The following RPA1 variants were observed in gnomAD, a reference collection of about 807,000 sequenced individuals.
RPA1 encodes the protein replication protein A1.
In RPA1, 49 loss-of-function variants were observed where a neutral mutation model predicts 83.0. That is an observed-to-expected ratio of 0.59 (90% CI 0.47 to 0.75). The LOEUF (loss-of-function observed/expected upper bound fraction) is 0.75. RPA1 is among the 30% of genes least tolerant of loss of function. The pLI is 0.00. For missense variants in RPA1, 693 were observed against 776.1 expected, an observed-to-expected ratio of 0.89 and a Z score of 1.27; for synonymous variants, 279 against 281.8, an observed-to-expected ratio of 0.99 and a Z score of 0.10.
intron 15 of RPA1, among the ~76,000 whole-genome samples, chr17:1,894,150 C>T (rs902852359): frequency 6.6e-6 from 1 of 150,666 alleles, no homozygotes; most frequent in South Asian, 2.1e-4. Context: ...ATTATAGTCA[C>T]GCGCCACCAT....
chr17:1,843,073 C>A (rs540210323), intron 2 of RPA1, among the ~76,000 whole-genome samples: 1 of 152,156 alleles, frequency 6.6e-6, no homozygotes, highest in Non-Finnish European at 1.5e-5. Context: ...GAGATTCAGA[C>A]TGAAGGCTTT....
intron 12 of RPA1, among the ~76,000 whole-genome samples, chr17:1,882,659 T>C (rs1373964381): frequency 6.6e-6 from 1 of 152,200 alleles, no homozygotes; most frequent in East Asian, 1.9e-4. Context: ...AGCAAGACTC[T>C]GTCTCAAAAC....
chr17:1,856,103 C>G (rs576240763), intron 5 of RPA1, among the ~76,000 whole-genome samples: 18 of 152,192 alleles, frequency 1.2e-4, no homozygotes, highest in African/African-American at 4.3e-4. Flanking sequence ...GCAAGCCGAT[C>G]GCTTGCGCTT....
intron 1 of RPA1, among the ~76,000 whole-genome samples, chr17:1,835,480 T>G (rs1465761662): frequency 6.6e-6 from 1 of 152,122 alleles, no homozygotes; most frequent in African/African-American, 2.4e-5. Context: ...TGAGTTACAT[T>G]TGTAAACAGC....
At chr17:1,847,339 C>G (rs553214278) in intron 4 of RPA1, among the ~76,000 whole-genome samples, 2 of 152,206 alleles carry the variant, frequency 1.3e-5, no homozygotes, top group Non-Finnish European at 2.9e-5. Context: ...CTTTTCTGTC[C>G]TCCAGGGCAT....
intron 2 of RPA1, among the ~76,000 whole-genome samples, chr17:1,843,598 C>CATCATTATT (rs140587406): frequency 4.3e-5 from 6 of 141,124 alleles, no homozygotes; most frequent in African/African-American, 7.8e-5. Context: ...TTGGGTGCTT[C>CATCATTATT]ATTATTATTA....
intron 5 of RPA1, chr17:1,858,183 G>A (rs187906769): frequency 8.1e-6 from 13 of 1,613,892 alleles, no homozygotes; most frequent in Non-Finnish European, 9.3e-6. Flanking sequence ...ACATGAGAGG[G>A]AAGACGAGTG....
At chr17:1,889,116 A>T (rs1341172238) in intron 14 of RPA1, among the ~76,000 whole-genome samples, 1 of 152,146 alleles carries the variant, frequency 6.6e-6, no homozygotes, top group Non-Finnish European at 1.5e-5. Context: ...AATTAATTTG[A>T]AAACGGCATT....
At chr17:1,890,955 T>C (rs1336718378) in intron 14 of RPA1, among the ~76,000 whole-genome samples, 2 of 152,224 alleles carry the variant, frequency 1.3e-5, no homozygotes, top group African/African-American at 4.8e-5. Context: ...TTAAAGGAAG[T>C]GTGAGCCCAG....
In RPA1 at chr17:1,832,039, G is replaced by A. The variant is rs563905908; in HGVS notation, c.33+1913G>A. On this transcript the variant is annotated intron_variant, in intron 1 of 16. Coordinates refer to ENST00000254719, the MANE Select transcript of RPA1 (RefSeq NM_002945.5). ...TGCCTTCTGGGTTCAGGCAGTTCTC[G>A]TGCCTCTGCCTCCAGAGTAGCTGGG... 4.0e-5 allele frequency among the ~76,000 whole-genome samples: 6 copies of A among 149,752 alleles called. No individual in the cohort carries two copies. In the South Asian group the frequency reaches 1.1e-3, roughly 26 times the overall value.
intron 5 of RPA1, chr17:1,858,203 C>T: frequency 6.2e-7 from 1 of 1,614,022 alleles, no homozygotes; most frequent in South Asian, 1.1e-5. Context: ...GCAAACTTAG[C>T]TGTGTGGATC....
In RPA1 at chr17:1,835,353, C is replaced by T. The variant is rs1911774936; in HGVS notation, c.33+5227C>T. Among the ~76,000 whole-genome samples, 10 of 151,576 alleles carry T rather than the reference C, an allele frequency of 6.6e-5. No homozygotes were observed. In the South Asian group the frequency reaches 2.1e-3, roughly 32 times the overall value. On this transcript the variant is annotated intron_variant, in intron 1 of 16. Coordinates refer to ENST00000254719, the MANE Select transcript of RPA1 (RefSeq NM_002945.5). ...TTAATTTTGTGTAGAGATGGGGTTT[C>T]GCCATCTTGCCTAAGCTGGTCTCTA...
intron 6 of RPA1, 122 bp from the exon 7 acceptor site, chr17:1,875,539 G>A (rs1463355913): frequency 9.6e-7 from 1 of 1,040,984 alleles, no homozygotes; most frequent in South Asian, 1.7e-5. Flanking sequence ...GAAAAGCTTT[G>A]CCTCTCATGT....
At chr17:1,858,209 G>A (rs1236705005) in intron 5 of RPA1, 1 of 1,613,618 alleles carries the variant, frequency 6.2e-7, no homozygotes, top group East Asian at 2.2e-5. Context: ...TTAGCTGTGT[G>A]GATCAGTGCT....
intron 15 of RPA1, among the ~76,000 whole-genome samples, chr17:1,892,282 G>A (rs928924465): frequency 6.6e-6 from 1 of 152,164 alleles, no homozygotes; most frequent in Non-Finnish European, 1.5e-5. Flanking sequence ...TGGGATTACA[G>A]GTGTGAGCCA....
chr17:1,843,801 A>G, intron 2 of RPA1, 119 bp from the exon 3 acceptor site: 1 of 699,176 alleles, frequency 1.4e-6, no homozygotes. Context: ...AAGTGTCAAG[A>G]GAATGGGCAA....
At chr17:1,839,397 C>G (rs559754467) in intron 1 of RPA1, among the ~76,000 whole-genome samples, 247 of 149,218 alleles carry the variant, frequency 1.7e-3, no homozygotes, top group Middle Eastern at 6.8e-3. Context: ...GAGATCTCGG[C>G]TCACTGCAAC....
chr17:1,873,868 C>T (rs2151284536), intron 6 of RPA1, among the ~76,000 whole-genome samples: 1 of 151,462 alleles, frequency 6.6e-6, no homozygotes, highest in East Asian at 1.9e-4. Flanking sequence ...TGGTGTGCAC[C>T]TGTAGTCCCA....
At chr17:1,896,515 G>A (rs1216288972) in intron 16 of RPA1, among the ~76,000 whole-genome samples, 3 of 150,348 alleles carry the variant, frequency 2.0e-5, no homozygotes, top group Admixed American at 6.6e-5. Context: ...GTGAAACAAT[G>A]TCAGGGAGTG....
Sources: allele counts gnomAD v4.1 joint callset (sites outside exome capture counted in the v4.1 genomes callset), GRCh38; gene constraint gnomAD v4.1.1; transcripts MANE v1.5; gene names NCBI Gene and HGNC (gene_info 2026-07-23, HGNC 2026-07-21).